SEPTIN10: variants seen among roughly 807,000 people sequenced by gnomAD.
SEPTIN10 encodes septin 10, also known as septin-10.
SEPTIN10 carries 66 observed loss-of-function variants against 54.8 expected under a neutral mutation model. The ratio of observed to expected loss-of-function variants is 1.21; its 90% CI spans 0.99 to 1.48. The LOEUF is 1.48. SEPTIN10 is among the 40% of genes most tolerant of loss of function. The pLI is 0.00. For missense variants in SEPTIN10, 620 were observed against 545.6 expected, an observed-to-expected ratio of 1.14 and a Z score of -1.36; for synonymous variants, 161 against 181.0, an observed-to-expected ratio of 0.89 and a Z score of 0.89.
intron 8 of SEPTIN10, among the ~76,000 whole-genome samples, chr2:109,562,434 A>G (rs1685912341): frequency 6.6e-6 from 1 of 151,166 alleles, no homozygotes; most frequent in Non-Finnish European, 1.5e-5. Context: ...CAGAGACTCT[A>G]CACAAGCAGG....
chr2:109,595,552 GGAGAAATTAGA>G (rs1695135144), intron 1 of SEPTIN10, among the ~76,000 whole-genome samples: 1 of 152,096 alleles, frequency 6.6e-6, no homozygotes, highest in Non-Finnish European at 1.5e-5. Flanking sequence ...ACAGAAATTT[GGAGAAATTAGA>G]GATCACTGAA....
chr2:109,569,183 C>G (rs1338648049), intron 5 of SEPTIN10, among the ~76,000 whole-genome samples: 1 of 152,058 alleles, frequency 6.6e-6, no homozygotes. Flanking sequence ...AATCCCAGCA[C>G]TTTGAAAGGC....
intron 1 of SEPTIN10, among the ~76,000 whole-genome samples, chr2:109,611,295 C>A (rs1375679953): frequency 6.6e-6 from 1 of 152,116 alleles, no homozygotes; most frequent in African/African-American, 2.4e-5. Context: ...TTAAACTTGA[C>A]ACCAAAAGCA....
chr2:109,602,901 CAA>C (rs34841715), intron 1 of SEPTIN10, among the ~76,000 whole-genome samples: 58 of 110,332 alleles, frequency 5.3e-4, no homozygotes, highest in Middle Eastern at 5.1e-3. Context: ...GACCCTGTCT[CAA>C]AAAAAAAAAA....
chr2:109,585,455 C>T (rs940417678), intron 3 of SEPTIN10, 134 bp from the exon 4 acceptor site: 28 of 748,742 alleles, frequency 3.7e-5, no homozygotes, highest in South Asian at 2.2e-4. Flanking sequence ...ATACACACTA[C>T]GGCTGGTCCC....
At chr2:109,592,893 G>A (rs1201896503) in intron 2 of SEPTIN10, among the ~76,000 whole-genome samples, 158 bp downstream of exon 2, 3 of 151,918 alleles carry the variant, frequency 2.0e-5, no homozygotes, top group African/African-American at 7.3e-5. Flanking sequence ...ATCCATCATC[G>A]ACTTTTCACT....
chr2:109,590,917 C>T (rs530591891), intron 2 of SEPTIN10, among the ~76,000 whole-genome samples: 1 of 152,272 alleles, frequency 6.6e-6, no homozygotes, highest in East Asian at 1.9e-4. Context: ...AGGAAAGCCT[C>T]CAGATAAGAA....
At chr2:109,608,560 C>T (rs780691184) in intron 1 of SEPTIN10, among the ~76,000 whole-genome samples, 2 of 152,150 alleles carry the variant, frequency 1.3e-5, no homozygotes, top group Non-Finnish European at 2.9e-5. Context: ...GGGAGCCCAT[C>T]CTACCTGGCA....
Position 109,593,050 on chromosome 2 carries a change from C to G in SEPTIN10, c.99+1G>C. 1.9e-6 allele frequency: 3 copies of G among 1,580,896 alleles called. No individual in the cohort carries two copies. Among genetic ancestry groups the G allele is most frequent in the Non-Finnish European group, 2.6e-6 (3 of 1,164,588 alleles). On this transcript the variant is annotated splice_donor_variant, in intron 2 of 10. Coordinates refer to ENST00000397712, the MANE Select transcript of SEPTIN10 (RefSeq NM_144710.5). LOFTEE classifies it high-confidence loss of function. Reference sequence around the variant, plus strand: ...GGTATCTATTTAAAAGACATACTCACTATCTGTTCATCATCTGATCCTTGT... The same window carrying G: ...GGTATCTATTTAAAAGACATACTCAGTATCTGTTCATCATCTGATCCTTGT...
At chr2:109,596,105 C>T (rs759359973) in intron 1 of SEPTIN10, among the ~76,000 whole-genome samples, 15 of 152,106 alleles carry the variant, frequency 9.9e-5, no homozygotes, top group Admixed American at 5.2e-4. Flanking sequence ...GATCACAGCT[C>T]GCTGCAGCCT....
At chr2:109,591,192 G>A (rs1693992545) in intron 2 of SEPTIN10, among the ~76,000 whole-genome samples, 1 of 152,192 alleles carries the variant, frequency 6.6e-6, no homozygotes, top group South Asian at 2.1e-4. Context: ...CCTCGTGAAA[G>A]TGTTCAAGAT....
intron 5 of SEPTIN10, 111 bp from the exon 6 acceptor site, chr2:109,568,087 G>T (rs979398884): frequency 3.7e-6 from 3 of 813,904 alleles, no homozygotes; most frequent in Non-Finnish European, 5.7e-6. Context: ...CCTAAACCTA[G>T]ATCGGGGGGC....
At chr2:109,559,909 GCCTT>G (rs1685227835) in intron 8 of SEPTIN10, among the ~76,000 whole-genome samples, 1 of 115,178 alleles carries the variant, frequency 8.7e-6, no homozygotes, top group African/African-American at 3.8e-5. Context: ...TCCAACCAAT[GCCTT>G]TTTTTTTTTT....
rs1211841532 is a variant in SEPTIN10, at chr2:109,585,291, A to C, written c.248T>G (p.Ile83Ser). 8 of 1,606,848 alleles carry C rather than the reference A, an allele frequency of 5.0e-6. No individual in the cohort carries two copies. Among genetic ancestry groups the C allele is most frequent in the East Asian group, 2.2e-5 (1 of 44,776 alleles). Residue 83 changes from isoleucine (I) to serine (S), a missense_variant, in exon 4 of 11, where the codon ATT becomes AGT. Physicochemically the swap from Ile to Ser is moderately radical, Grantham distance 142 (BLOSUM62 -2). Coordinates refer to ENST00000397712, the MANE Select transcript of SEPTIN10 (RefSeq NM_144710.5). ...GETGIGKSTL[I>S]DTLFNTNFED... Reference sequence around the variant, plus strand: ...AAAATTAGTATTAAACAATGTGTCAATCAGTGTTGATTTTCCAATTCCAGT... The same window carrying C: ...AAAATTAGTATTAAACAATGTGTCACTCAGTGTTGATTTTCCAATTCCAGT...
intron 1 of SEPTIN10, among the ~76,000 whole-genome samples, chr2:109,606,240 C>T (rs1441655978): frequency 1.3e-5 from 2 of 152,078 alleles, no homozygotes; most frequent in African/African-American, 4.8e-5. Flanking sequence ...CATGGTGAAA[C>T]CCCGCTTCTA....
rs532899142 is a variant in SEPTIN10 at position 109,594,311 on chromosome 2, C to T, written c.31-1192G>A. 1.6e-4 allele frequency among the ~76,000 whole-genome samples: 24 copies of T among 152,214 alleles called. No individual in the cohort carries two copies. In the East Asian group the frequency reaches 4.2e-3, roughly 27 times the overall value. On this transcript the variant is annotated intron_variant, in intron 1 of 10. Transcript: ENST00000397712. Reference sequence around the variant, plus strand: ...AAATGGTGTCAATGAGAATACAGTGCACAATTACTCCCTTCCCACTCTTGA... The same window carrying T: ...AAATGGTGTCAATGAGAATACAGTGTACAATTACTCCCTTCCCACTCTTGA...
At chr2:109,561,027 T>C (rs1685532920) in intron 8 of SEPTIN10, among the ~76,000 whole-genome samples, 1 of 152,164 alleles carries the variant, frequency 6.6e-6, no homozygotes, top group Non-Finnish European at 1.5e-5. Flanking sequence ...TAATAATTTT[T>C]AAAATGCAAA....
chr2:109,590,383 G>A lies in SEPTIN10; in HGVS notation c.99+2668C>T, dbSNP rs2105901482. Among the ~76,000 whole-genome samples the A allele has an allele frequency of 2.0e-5, 3 of 152,014 alleles. No homozygotes were observed. The South Asian group carries it at 6.2e-4, about 32-fold the overall frequency. Reference sequence around the variant, plus strand: ...GTCCCAAACCAGTCAGTCTTCGGAAGGGAGACTATCCTGGTTGGGCCTGAC... The same window carrying A: ...GTCCCAAACCAGTCAGTCTTCGGAAAGGAGACTATCCTGGTTGGGCCTGAC... On this transcript the variant is annotated intron_variant, in intron 2 of 10. Transcript: ENST00000397712.
chr2:109,603,225 AT>A (rs1256151697), intron 1 of SEPTIN10, among the ~76,000 whole-genome samples: 1 of 152,028 alleles, frequency 6.6e-6, no homozygotes, highest in Non-Finnish European at 1.5e-5. Context: ...TGTTATTATT[AT>A]CATTATTAAT....
Sources: allele counts gnomAD v4.1 joint callset (sites outside exome capture counted in the v4.1 genomes callset), GRCh38; gene constraint gnomAD v4.1.1; transcripts MANE v1.5; gene names NCBI Gene and HGNC (gene_info 2026-07-23, HGNC 2026-07-21).